Variants in EDIL3 observed in about 807,000 individuals in gnomAD.
The protein encoded by EDIL3 is EGF-like repeat and discoidin I-like domain-containing protein 3.
A neutral mutation model predicts 67.4 loss-of-function variants in EDIL3; 37 were observed. The observed-to-expected ratio is 0.55, with a 90% CI of 0.42 to 0.72. The LOEUF (loss-of-function observed/expected upper bound fraction) is 0.72, where lower values mean the gene tolerates loss of function less well. Among genes scored for constraint, EDIL3 ranks in the 30% least tolerant of loss-of-function variants. The probability of loss-of-function intolerance (pLI) is 0.00; values close to 1 mark genes in which losing one functional copy is unlikely to be tolerated. For synonymous variants in EDIL3, 195 were observed against 196.3 expected, an observed-to-expected ratio of 0.99 and a Z score of 0.05; for missense variants, 527 against 586.3, an observed-to-expected ratio of 0.90 and a Z score of 1.04.
chr5:84,112,951 C>T (rs1747589600), intron 5 of EDIL3, among the ~76,000 whole-genome samples: 1 of 152,142 alleles, frequency 6.6e-6, no homozygotes, highest in South Asian at 2.1e-4. Context: ...TACACTTACA[C>T]TTACATGCTC....
chr5:84,176,202 T>TATATATATATATATATATATA (rs1554071671), intron 4 of EDIL3, among the ~76,000 whole-genome samples: 25 of 10,094 alleles, frequency 2.5e-3, no homozygotes, highest in Admixed American at 6.2e-3. Flanking sequence ...ATATATAATA[T>TATATATATATATATATATATA]ATATATATAT....
At chr5:84,110,962 G>A (rs990269233) in intron 5 of EDIL3, among the ~76,000 whole-genome samples, 1 of 152,144 alleles carries the variant, frequency 6.6e-6, no homozygotes, top group African/African-American at 2.4e-5. Context: ...ATGTTGAATT[G>A]TAATCCCTAG....
chr5:84,229,270 C>T (rs562482979), intron 3 of EDIL3, among the ~76,000 whole-genome samples: 1 of 152,116 alleles, frequency 6.6e-6, no homozygotes, highest in Non-Finnish European at 1.5e-5. Flanking sequence ...CAGGCCACAG[C>T]CTGTGTTTGA....
At chr5:84,249,887 A>G (rs1228836475) in intron 2 of EDIL3, among the ~76,000 whole-genome samples, 1 of 152,256 alleles carries the variant, frequency 6.6e-6, no homozygotes, top group Non-Finnish European at 1.5e-5. Context: ...TGAGGTCAGG[A>G]GTTGGAGACC....
At chr5:84,211,167 GGTGAGGCCTGGT>G (rs1405977404) in intron 3 of EDIL3, among the ~76,000 whole-genome samples, 1 of 152,180 alleles carries the variant, frequency 6.6e-6, no homozygotes, top group African/African-American at 2.4e-5. Context: ...CCAGTGTTGA[GGTGAGGCCTGGT>G]GGAAGGTGTC....
intron 3 of EDIL3, among the ~76,000 whole-genome samples, chr5:84,192,349 A>C (rs13354117): frequency 0.023 from 3,442 of 152,084 alleles, 131 homozygotes; most frequent in African/African-American, 0.077. Context: ...TTATGTCTTC[A>C]GTGTTACCTC....
chr5:84,019,819 C>T (rs1302640513), intron 9 of EDIL3, among the ~76,000 whole-genome samples: 2 of 151,966 alleles, frequency 1.3e-5, no homozygotes, highest in East Asian at 1.9e-4. Context: ...GAGCTAATCT[C>T]GCTGGTTCTA....
chr5:83,988,989 A>G (rs964945291), intron 9 of EDIL3, among the ~76,000 whole-genome samples: 1 of 152,216 alleles, frequency 6.6e-6, no homozygotes, highest in African/African-American at 2.4e-5. Context: ...GTATTTTTAC[A>G]CCATTGAAAG....
chr5:84,370,977 T>G (rs544040706), intron 1 of EDIL3, among the ~76,000 whole-genome samples: 2 of 152,194 alleles, frequency 1.3e-5, no homozygotes, highest in East Asian at 3.9e-4. Context: ...GCCTACTATA[T>G]GTAAGGTACC....
chr5:84,032,529 T>A (rs1745941691), intron 9 of EDIL3, among the ~76,000 whole-genome samples: 1 of 152,114 alleles, frequency 6.6e-6, no homozygotes, highest in South Asian at 2.1e-4. Context: ...ATAAACTAAG[T>A]TTCCTGTCAG....
At position 83,951,015 on chromosome 5, in the gene EDIL3, C is replaced by G. The variant is rs572038471; in HGVS notation, c.1294-7447G>C. Among the ~76,000 whole-genome samples, 3 of 151,814 alleles carry G rather than the reference C, an allele frequency of 2.0e-5. No homozygotes were observed. The South Asian group carries it at 6.2e-4, about 31-fold the overall frequency. Reference sequence around the variant, plus strand: ...TTGTTCCATAAACCCTTTGAAAAATCTAGACCCTGTTTGCTTCAGAGACTT... The same window carrying G: ...TTGTTCCATAAACCCTTTGAAAAATGTAGACCCTGTTTGCTTCAGAGACTT... On this transcript the variant is annotated intron_variant, in intron 10 of 10. Coordinates refer to ENST00000296591, the MANE Select transcript of EDIL3 (RefSeq NM_005711.5).
Position 84,311,694 on chromosome 5 carries a change from G to A in EDIL3, c.68-57482C>T, listed in dbSNP as rs1257627144. Reference sequence around the variant, plus strand: ...CAAAGGTCTCTGGTTTTCCTATGCAGAGGACCCTGCGGCCTTCCGCAGTGT... The same window carrying A: ...CAAAGGTCTCTGGTTTTCCTATGCAAAGGACCCTGCGGCCTTCCGCAGTGT... On this transcript the variant is annotated intron_variant, in intron 1 of 10. Transcript: ENST00000296591. Among the ~76,000 whole-genome samples the A allele has an allele frequency of 3.3e-5, 5 of 152,248 alleles. No homozygotes were observed. The East Asian group carries it at 9.7e-4, about 29-fold the overall frequency.
chr5:84,102,472 T>A (rs1246509839), intron 6 of EDIL3, among the ~76,000 whole-genome samples: 3 of 151,892 alleles, frequency 2.0e-5, no homozygotes, highest in Admixed American at 1.3e-4. Context: ...GCCCGAATGA[T>A]CCTTAAGCTG....
At chr5:84,097,627 G>C (rs1747287240) in intron 6 of EDIL3, among the ~76,000 whole-genome samples, 1 of 152,058 alleles carries the variant, frequency 6.6e-6, no homozygotes, top group Non-Finnish European at 1.5e-5. Flanking sequence ...CTACTGCCTA[G>C]TAGTGGATAG....
chr5:84,166,681 A>G (rs1400248385), intron 4 of EDIL3, among the ~76,000 whole-genome samples: 1 of 152,172 alleles, frequency 6.6e-6, no homozygotes, highest in Non-Finnish European at 1.5e-5. Flanking sequence ...AAAGATGAGT[A>G]AAAGAGAGGA....
At chr5:84,142,902 C>T (rs942291338) in intron 4 of EDIL3, among the ~76,000 whole-genome samples, 6 of 150,492 alleles carry the variant, frequency 4.0e-5, no homozygotes, top group Non-Finnish European at 5.9e-5. Flanking sequence ...ATCTTTCCTC[C>T]GGCAATATTG....
At chr5:84,263,004 A>T (rs774884585) in intron 1 of EDIL3, among the ~76,000 whole-genome samples, 1 of 152,004 alleles carries the variant, frequency 6.6e-6, no homozygotes, top group Non-Finnish European at 1.5e-5. Context: ...ATTTCTACCT[A>T]TGAAGAATAT....
chr5:84,030,287 T>A (rs1316938945), intron 9 of EDIL3, among the ~76,000 whole-genome samples: 1 of 152,238 alleles, frequency 6.6e-6, no homozygotes, highest in East Asian at 1.9e-4. Flanking sequence ...TCTTTGTGTA[T>A]CTAAAACATA....
At chr5:84,141,531 A>G (rs1748188589) in intron 4 of EDIL3, among the ~76,000 whole-genome samples, 1 of 147,674 alleles carries the variant, frequency 6.8e-6, no homozygotes, top group South Asian at 2.1e-4. Flanking sequence ...TGCGATATAT[A>G]TGTATTACAT....
Sources: gnomAD v4.1 joint callset for allele counts (sites outside exome capture counted in the v4.1 genomes callset) on GRCh38, gnomAD v4.1.1 for gene constraint, MANE v1.5 for transcripts, NCBI Gene and HGNC (gene_info 2026-07-23, HGNC 2026-07-21) for gene names.